TENM3: variants seen among roughly 807,000 people sequenced by gnomAD.
The protein encoded by TENM3 is teneurin-3.
TENM3 carries 63 observed loss-of-function variants against 255.1 expected under a neutral mutation model. That is an observed-to-expected ratio of 0.25 (90% CI 0.20 to 0.30). The LOEUF (loss-of-function observed/expected upper bound fraction) is 0.30. TENM3 is among the 10% of genes least tolerant of loss of function. The pLI is 1.00. For missense variants in TENM3, 2,929 were observed against 3,461.1 expected, an observed-to-expected ratio of 0.85 and a Z score of 3.86; for synonymous variants, 1,306 against 1,322.3, an observed-to-expected ratio of 0.99 and a Z score of 0.27.
At chr4:181,744,054 T>C in the TENM3 span, among the ~76,000 whole-genome samples, 1 of 152,158 alleles carries the variant, frequency 6.6e-6, no homozygotes, top group East Asian at 1.9e-4. Context: ...AGCTCCCACT[T>C]ACAAGTGAGA....
At chr4:182,003,413 A>G in the TENM3 span, among the ~76,000 whole-genome samples, 50,930 of 151,892 alleles carry the variant, frequency 0.34, 8,942 homozygotes, top group Middle Eastern at 0.42. Context: ...AATATATTAT[A>G]CCCCATGGGT....
chr4:182,150,645 T>A (rs1750276116), intron 1 of TENM3, among the ~76,000 whole-genome samples: 1 of 152,108 alleles, frequency 6.6e-6, no homozygotes, highest in Admixed American at 6.6e-5. Flanking sequence ...CACACGACTC[T>A]GATTATTTAA....
chr4:181,756,778 C>T, the TENM3 span, among the ~76,000 whole-genome samples: 1 of 152,212 alleles, frequency 6.6e-6, no homozygotes, highest in South Asian at 2.1e-4. Flanking sequence ...CCAGGTTATT[C>T]TCCTGTCTAG....
At chr4:182,220,806 A>C (rs1755808641) in intron 1 of TENM3, among the ~76,000 whole-genome samples, 1 of 152,184 alleles carries the variant, frequency 6.6e-6, no homozygotes, top group Non-Finnish European at 1.5e-5. Context: ...GTTCCCCTTT[A>C]ATAACTGGTA....
At chr4:182,271,334 T>G (rs1369944955) in intron 1 of TENM3, among the ~76,000 whole-genome samples, 2 of 152,130 alleles carry the variant, frequency 1.3e-5, no homozygotes, top group Non-Finnish European at 2.9e-5. Flanking sequence ...ATCCATTGAT[T>G]TAGAAAGACC....
At chr4:181,877,285 T>C in the TENM3 span, among the ~76,000 whole-genome samples, 4 of 152,184 alleles carry the variant, frequency 2.6e-5, no homozygotes, top group African/African-American at 9.6e-5. Context: ...ATAAAAATAA[T>C]ATTGAATGAC....
the TENM3 span, among the ~76,000 whole-genome samples, chr4:181,987,775 T>A: frequency 6.6e-6 from 1 of 151,186 alleles, no homozygotes; most frequent in Non-Finnish European, 1.5e-5. Context: ...AAATTATATA[T>A]ACATATAGAG....
At chr4:182,695,607 T>C (rs1209808160) in intron 12 of TENM3, among the ~76,000 whole-genome samples, 1 of 152,166 alleles carries the variant, frequency 6.6e-6, no homozygotes, top group Non-Finnish European at 1.5e-5. Flanking sequence ...TCCCACTGAC[T>C]CACCTAGTGA....
At chr4:182,074,403 A>G in the TENM3 span, among the ~76,000 whole-genome samples, 1 of 152,220 alleles carries the variant, frequency 6.6e-6, no homozygotes, top group Non-Finnish European at 1.5e-5. Context: ...CACATCACCA[A>G]GAGTCAAAAC....
chr4:181,919,708 A>G, the TENM3 span, among the ~76,000 whole-genome samples: 1 of 151,944 alleles, frequency 6.6e-6, no homozygotes, highest in East Asian at 1.9e-4. Context: ...TTCACTATGA[A>G]ATACAGAAAA....
intron 6 of TENM3, among the ~76,000 whole-genome samples, chr4:182,654,493 T>G (rs575201733): frequency 6.6e-6 from 1 of 152,272 alleles, no homozygotes; most frequent in South Asian, 2.1e-4. Context: ...ATATGTACAC[T>G]TACGTTACAA....
intron 3 of TENM3, among the ~76,000 whole-genome samples, chr4:182,479,915 A>G (rs10001230): frequency 0.67 from 101,556 of 151,846 alleles, 37,019 homozygotes; most frequent in East Asian, 0.94. Flanking sequence ...GGAATTATAA[A>G]GTCTTTTTCC....
intron 3 of TENM3, among the ~76,000 whole-genome samples, chr4:182,498,327 G>A (rs966061033): frequency 2.6e-5 from 4 of 152,184 alleles, no homozygotes; most frequent in Admixed American, 2.0e-4. Flanking sequence ...CAGAAATTAA[G>A]GCCTATTAGG....
chr4:182,675,180 T>C (rs1755567629), intron 7 of TENM3, among the ~76,000 whole-genome samples: 1 of 152,044 alleles, frequency 6.6e-6, no homozygotes, highest in South Asian at 2.1e-4. Flanking sequence ...CCAGCCAGTC[T>C]AGACCATTTT....
chr4:182,450,367 C>CA (rs1377314807), intron 3 of TENM3, among the ~76,000 whole-genome samples: 1 of 152,102 alleles, frequency 6.6e-6, no homozygotes, highest in Admixed American at 6.5e-5. Context: ...TTTAGTGCAG[C>CA]ATGTACTGGT....
chr4:181,779,197 G>A, the TENM3 span, among the ~76,000 whole-genome samples: 2 of 151,898 alleles, frequency 1.3e-5, no homozygotes, highest in African/African-American at 2.4e-5. Context: ...GTCCTTTAGT[G>A]GGTAAAGGCT....
chr4:182,689,693 C>T (rs757656720), intron 12 of TENM3, among the ~76,000 whole-genome samples: 1 of 152,180 alleles, frequency 6.6e-6, no homozygotes, highest in Non-Finnish European at 1.5e-5. Flanking sequence ...AGCAGCGAAA[C>T]GAATCGACAT....
chr4:182,624,326 G>A (rs1220858604), intron 4 of TENM3, among the ~76,000 whole-genome samples: 3 of 152,180 alleles, frequency 2.0e-5, no homozygotes, highest in Non-Finnish European at 4.4e-5. Flanking sequence ...AAAGACTAAG[G>A]TAAGGGACTA....
At chr4:181,725,937 A>G in the TENM3 span, among the ~76,000 whole-genome samples, 3 of 152,176 alleles carry the variant, frequency 2.0e-5, no homozygotes, top group African/African-American at 7.2e-5. Context: ...AAGACTCAAG[A>G]CATGGATTTC....
Sources: allele counts gnomAD v4.1 joint callset (sites outside exome capture counted in the v4.1 genomes callset), GRCh38; gene constraint gnomAD v4.1.1; transcripts MANE v1.5; gene names NCBI Gene and HGNC (gene_info 2026-07-23, HGNC 2026-07-21).